The following DCDC1 variants were observed in gnomAD, a reference collection of about 807,000 sequenced individuals.
The protein encoded by DCDC1 is doublecortin domain containing 1.
Under a neutral mutation model 178.3 loss-of-function variants are expected in DCDC1, and 200 were observed. The ratio of observed to expected loss-of-function variants is 1.12; its 90% CI spans 1.00 to 1.26. The LOEUF is 1.26. DCDC1 is among the 50% of genes most tolerant of loss of function. DCDC1 has a pLI of 0.00. For synonymous variants in DCDC1, 690 were observed against 604.8 expected (o/e 1.14, Z -2.07); for missense variants, 1,983 against 1,749.2 (o/e 1.13, Z -2.38).
chr11:31,165,984 A>G (rs1285194302), intron 9 of DCDC1, among the ~76,000 whole-genome samples: 1 of 152,214 alleles, frequency 6.6e-6, no homozygotes, highest in African/African-American at 2.4e-5. Flanking sequence ...CCTAACCTGT[A>G]TAGTATGATA....
intron 9 of DCDC1, among the ~76,000 whole-genome samples, chr11:31,161,720 A>G: frequency 6.6e-6 from 1 of 152,176 alleles, no homozygotes; most frequent in East Asian, 1.9e-4. Flanking sequence ...CTTTCTTTTC[A>G]GAAGTCATAT....
intron 6 of DCDC1, 22 bp downstream of exon 6, chr11:31,305,593 G>T: frequency 6.2e-7 from 1 of 1,611,696 alleles, no homozygotes; most frequent in Non-Finnish European, 8.5e-7. Flanking sequence ...TGGGGGTAGG[G>T]TATTTTTTAG....
intron 38 of DCDC1, among the ~76,000 whole-genome samples, chr11:30,873,360 T>TAGAGAGAG (rs1318294592): frequency 4.0e-4 from 55 of 138,654 alleles, no homozygotes; most frequent in African/African-American, 1.4e-3. Flanking sequence ...TATATATATA[T>TAGAGAGAG]ATATAGAGAG....
chr11:31,005,765 G>C (rs1161010496), intron 20 of DCDC1, among the ~76,000 whole-genome samples: 3 of 151,430 alleles, frequency 2.0e-5, no homozygotes, highest in Non-Finnish European at 4.4e-5. Flanking sequence ...TGAAATCATG[G>C]CTCCTTGATA....
At chr11:31,009,001 A>G (rs72882661) in intron 20 of DCDC1, among the ~76,000 whole-genome samples, 18 of 152,306 alleles carry the variant, frequency 1.2e-4, no homozygotes, top group Non-Finnish European at 2.5e-4. Flanking sequence ...GTCAAAAGTA[A>G]TTACTCCCCT....
intron 17 of DCDC1, among the ~76,000 whole-genome samples, chr11:31,081,249 G>A (rs1957149739): frequency 6.6e-6 from 1 of 152,166 alleles, no homozygotes; most frequent in Admixed American, 6.5e-5. Context: ...ATATATGGCT[G>A]TTTAGGGAAC....
chr11:31,275,692 C>T (rs1945935232), intron 7 of DCDC1, among the ~76,000 whole-genome samples: 1 of 152,020 alleles, frequency 6.6e-6, no homozygotes, highest in South Asian at 2.1e-4. Flanking sequence ...TTAGTAGAGA[C>T]AGGGTTTCTC....
rs553908085 is a variant in DCDC1, at chr11:31,053,466, T to C, written c.2591+11003A>G. ...AAGATGGAGAGAGAAGGAACTCTCC[T>C]TAATTCATTCTATGAAGCCAGCATC... On this transcript the variant is annotated intron_variant, in intron 20 of 38. Transcript: ENST00000684477. Among the ~76,000 whole-genome samples the C allele has an allele frequency of 1.6e-3, 247 of 152,160 alleles. 1 individual carries two copies. Among genetic ancestry groups the C allele is most frequent in the Non-Finnish European group, 2.6e-3 (178 of 67,942 alleles).
At chr11:31,286,823 T>G (rs1410885478) in intron 7 of DCDC1, among the ~76,000 whole-genome samples, 1 of 151,798 alleles carries the variant, frequency 6.6e-6, no homozygotes, top group African/African-American at 2.4e-5. Context: ...ATCAGAAGAG[T>G]AGACATGAGA....
intron 9 of DCDC1, among the ~76,000 whole-genome samples, chr11:31,193,128 A>C (rs1404607278): frequency 6.6e-6 from 1 of 152,016 alleles, no homozygotes. Flanking sequence ...ACTCAGACTG[A>C]ATTACATCAC....
At chr11:31,089,885 AATTC>A (rs1463056034) in intron 17 of DCDC1, among the ~76,000 whole-genome samples, 3 of 152,142 alleles carry the variant, frequency 2.0e-5, no homozygotes, top group Non-Finnish European at 4.4e-5. Flanking sequence ...CCCATCCAGT[AATTC>A]TATCATCTGT....
intron 17 of DCDC1, among the ~76,000 whole-genome samples, chr11:31,084,286 A>C (rs1957352998): frequency 6.6e-6 from 1 of 152,076 alleles, no homozygotes; most frequent in Admixed American, 6.6e-5. Flanking sequence ...CTTTTGTTAA[A>C]ATTATATACT....
rs10640581 is a variant in DCDC1, at chr11:31,250,385, T to TACACACACACACACAC, written c.1055-8785_1055-8770dup. 1.1e-3 allele frequency among the ~76,000 whole-genome samples: 98 copies of TACACACACACACACAC among 92,656 alleles called. 1 individual carries two copies. Among genetic ancestry groups the TACACACACACACACAC allele is most frequent in the East Asian group, 2.4e-3 (3 of 1,232 alleles). The allele number at this position is 92,656 out of a possible 152,430, so 60.8% of individuals were successfully genotyped here. On this transcript the variant is annotated intron_variant, in intron 8 of 38. Coordinates refer to ENST00000684477, the MANE Select transcript of DCDC1 (RefSeq NM_001387274.1). ...TATGAAAGGAATCAGAGTGAATGAA[T>TACACACACACACACAC]ACACACACACACACACACACACACA...
chr11:30,887,884 C>T (rs1036866244), intron 36 of DCDC1, among the ~76,000 whole-genome samples: 3 of 151,456 alleles, frequency 2.0e-5, no homozygotes, highest in African/African-American at 7.3e-5. Context: ...TGGTGCAAGC[C>T]TGTAGTCCCA....
chr11:31,089,542 C>G (rs1193426666), intron 17 of DCDC1, among the ~76,000 whole-genome samples: 1 of 151,708 alleles, frequency 6.6e-6, no homozygotes, highest in Non-Finnish European at 1.5e-5. Context: ...TTGCTTTAAC[C>G]TGTCAGAGAC....
Position 31,265,620 on chromosome 11 carries a change from TATAA to T in DCDC1, c.961-24_961-21del. 8.1e-7 allele frequency: 1 copy of T among 1,236,788 alleles called. No individual in the cohort carries two copies. The highest frequency in any genetic ancestry group is 1.1e-6 in the Non-Finnish European group (1 of 943,188). The allele number at this position is 1,236,788 out of a possible 1,614,324, so 76.6% of individuals were successfully genotyped here. ...TAAAACCTGTGCAGGAAAAAAAAAT[TATAA>T]ATAATTTAGTAAACTGGTTAAATTG... On this transcript the variant is annotated intron_variant, in intron 7 of 38. Coordinates refer to ENST00000684477, the MANE Select transcript of DCDC1 (RefSeq NM_001387274.1).
At chr11:31,212,596 T>G (rs1237039369) in intron 9 of DCDC1, among the ~76,000 whole-genome samples, 4 of 152,114 alleles carry the variant, frequency 2.6e-5, no homozygotes, top group Non-Finnish European at 5.9e-5. Flanking sequence ...TACTAATGAA[T>G]TAACAGATTT....
At chr11:30,927,517 A>ACT in intron 22 of DCDC1, among the ~76,000 whole-genome samples, 1 of 152,206 alleles carries the variant, frequency 6.6e-6, no homozygotes, top group South Asian at 2.1e-4. Context: ...GAGGAAAACA[A>ACT]GCCTTGGAGA....
chr11:31,228,124 C>G (rs894140828), intron 9 of DCDC1, among the ~76,000 whole-genome samples: 7 of 151,906 alleles, frequency 4.6e-5, no homozygotes, highest in Non-Finnish European at 7.4e-5. Context: ...GAAGAACACT[C>G]AAATCAATAA....
Sources: allele counts gnomAD v4.1 joint callset (sites outside exome capture counted in the v4.1 genomes callset), GRCh38; gene constraint gnomAD v4.1.1; transcripts MANE v1.5; gene names NCBI Gene and HGNC (gene_info 2026-07-23, HGNC 2026-07-21).